OR8G5: variants seen among roughly 807,000 people sequenced by gnomAD.
OR8G5 encodes the protein olfactory receptor 8G5.
For missense variants in OR8G5, 347 were observed against 371.9 expected, an observed-to-expected ratio of 0.93 and a Z score of 0.55; for synonymous variants, 147 against 147.7, an observed-to-expected ratio of 1.00 and a Z score of 0.03.
Position 124,265,005 on chromosome 11 carries a change from T to A in OR8G5, c.74T>A (p.Leu25Gln). ...VGLTEKSELQ[L>Q]PLFLVFLGIY... is the part of the protein sequence containing the mutation. ...CTAACAGAGAAGTCAGAGCTACAGC[T>A]GCCCCTCTTCCTCGTCTTCCTGGGA... is the stretch of plus-strand genomic sequence containing the variant. Residue 25 changes from leucine (L) to glutamine (Q), a missense_variant, in exon 2 of 2, where the codon CTG becomes CAG. Coordinates refer to ENST00000641992, the MANE Select transcript of OR8G5 (RefSeq NM_001005198.2). 1 of 1,614,006 alleles carries A rather than the reference T, an allele frequency of 6.2e-7. No individual in the cohort carries two copies. Among genetic ancestry groups the A allele is most frequent in the Non-Finnish European group, 8.5e-7 (1 of 1,179,906 alleles).
At position 124,266,159 on chromosome 11, in the gene OR8G5, A is replaced by T. The variant is rs184694338; in HGVS notation, c.*292A>T. The T allele has an allele frequency of 9.9e-6, 3 of 301,990 alleles. No homozygotes were observed. Among genetic ancestry groups the T allele is most frequent in the Non-Finnish European group, 6.1e-6 (1 of 162,616 alleles). The allele number at this position is 301,990 out of a possible 1,614,324, so 18.7% of individuals were successfully genotyped here. On this transcript the variant is annotated 3_prime_UTR_variant, in exon 2 of 2. Coordinates refer to ENST00000641992, the MANE Select transcript of OR8G5 (RefSeq NM_001005198.2). Reference sequence around the variant, plus strand: ...TACATTCCCTTCCCCCTTTTCTTTCATGTAATTGATTAAAACATACTCCTC... The same window carrying T: ...TACATTCCCTTCCCCCTTTTCTTTCTTGTAATTGATTAAAACATACTCCTC...
At chr11:124,257,775 A>T (rs1027217494) in intron 1 of OR8G5, among the ~76,000 whole-genome samples, 1 of 152,174 alleles carries the variant, frequency 6.6e-6, no homozygotes, top group Non-Finnish European at 1.5e-5. Context: ...GCTTAGTTAG[A>T]TAAGGAAATT....
At chr11:124,260,861 A>G (rs547631845) in intron 1 of OR8G5, among the ~76,000 whole-genome samples, 1 of 152,012 alleles carries the variant, frequency 6.6e-6, no homozygotes, top group South Asian at 2.1e-4. Flanking sequence ...TTAAAAATAC[A>G]CTACATGTTG....
chr11:124,266,053 G>T lies in OR8G5; in HGVS notation c.*186G>T. 2 of 685,778 alleles carry T rather than the reference G, an allele frequency of 2.9e-6. No homozygotes were observed. The highest frequency in any genetic ancestry group is 3.4e-5 in the Admixed American group (1 of 29,766). 42.5% of individuals were successfully genotyped at this position (685,778 alleles called of 1,614,324 possible). ...TCCCTCTCATTTTTTCTCTCATAAGGATTACGAAGACATGATATTTTCTTA... is the reference window on the plus strand; with the variant it reads ...TCCCTCTCATTTTTTCTCTCATAAGTATTACGAAGACATGATATTTTCTTA... On this transcript the variant is annotated 3_prime_UTR_variant, in exon 2 of 2. Transcript: ENST00000641992.
chr11:124,264,820 G>A (rs985053811), intron 1 of OR8G5, 98 bp from the exon 2 acceptor site: 2 of 1,476,856 alleles, frequency 1.4e-6, no homozygotes, highest in Non-Finnish European at 1.9e-6. Flanking sequence ...AATTGAACCG[G>A]AGTTAAATGA....
intron 1 of OR8G5, among the ~76,000 whole-genome samples, chr11:124,257,317 T>C (rs1376379420): frequency 6.6e-6 from 1 of 152,166 alleles, no homozygotes; most frequent in Non-Finnish European, 1.5e-5. Flanking sequence ...AGAATATTTT[T>C]ATATTGATTA....
At chr11:124,261,029 G>C (rs1861966063) in intron 1 of OR8G5, among the ~76,000 whole-genome samples, 1 of 151,444 alleles carries the variant, frequency 6.6e-6, no homozygotes, top group Non-Finnish European at 1.5e-5. Flanking sequence ...CTATCTCCAT[G>C]AGATCAGCTT....
At chr11:124,262,718 C>G (rs1861985311) in intron 1 of OR8G5, among the ~76,000 whole-genome samples, 1 of 151,542 alleles carries the variant, frequency 6.6e-6, no homozygotes, top group Non-Finnish European at 1.5e-5. Context: ...CATGCATCTA[C>G]TCATCTGTTG....
At chr11:124,261,128 G>A (rs1299822566) in intron 1 of OR8G5, among the ~76,000 whole-genome samples, 1 of 151,656 alleles carries the variant, frequency 6.6e-6, no homozygotes, top group Admixed American at 6.6e-5. Flanking sequence ...ACAGGATTTC[G>A]TTCGTTTTTT....
At chr11:124,264,212 G>T (rs766813138) in intron 1 of OR8G5, among the ~76,000 whole-genome samples, 2 of 152,022 alleles carry the variant, frequency 1.3e-5, no homozygotes, top group African/African-American at 4.8e-5. Flanking sequence ...ATGCTCAAGG[G>T]TATTGGCTAG....
At chr11:124,264,705 G>C in intron 1 of OR8G5, 1 of 579,378 alleles carries the variant, frequency 1.7e-6, no homozygotes, top group Non-Finnish European at 3.0e-6. Flanking sequence ...GACACTCAAA[G>C]TTTTTAATTA....
chr11:124,260,559 T>G (rs1164451526), intron 1 of OR8G5, among the ~76,000 whole-genome samples: 1 of 151,900 alleles, frequency 6.6e-6, no homozygotes, highest in East Asian at 1.9e-4. Context: ...ATCGATCATC[T>G]GTTTAGATGT....
intron 1 of OR8G5, among the ~76,000 whole-genome samples, chr11:124,262,848 C>T (rs1861986822): frequency 6.6e-6 from 1 of 151,994 alleles, no homozygotes; most frequent in African/African-American, 2.4e-5. Context: ...TACTAAGAGG[C>T]AGAATTCTGG....
chr11:124,261,933 AAAAG>A (rs944958535), intron 1 of OR8G5, among the ~76,000 whole-genome samples: 1 of 151,898 alleles, frequency 6.6e-6, no homozygotes, highest in African/African-American at 2.4e-5. Context: ...ACAAATATAA[AAAAG>A]AAATTATAAA....
rs1405157582 is a variant in OR8G5 at position 124,266,187 on chromosome 11, CA to C, written c.*321del. The stretch of plus-strand genomic sequence containing the variant: ...TAATTGATTAAAACATACTCCTCAA[CA>C]TAATAAAAACACTATCTTCTGGTGA... On this transcript the variant is annotated 3_prime_UTR_variant, in exon 2 of 2. Transcript: ENST00000641992. The C allele has an allele frequency of 4.1e-6, 1 of 243,052 alleles. No homozygotes were observed. Among genetic ancestry groups the C allele is most frequent in the Non-Finnish European group, 8.0e-6 (1 of 125,400 alleles). The allele number at this position is 243,052 out of a possible 1,614,324, so 15.1% of individuals were successfully genotyped here.
intron 1 of OR8G5, among the ~76,000 whole-genome samples, chr11:124,263,275 T>G (rs1861991072): frequency 6.6e-6 from 1 of 152,216 alleles, no homozygotes; most frequent in South Asian, 2.1e-4. Flanking sequence ...CTTAATGTCA[T>G]TAATTTTGTT....
At position 124,266,067 on chromosome 11, in the gene OR8G5, G is replaced by A; in HGVS notation, c.*200G>A. The A allele has an allele frequency of 1.6e-6, 1 of 620,652 alleles. No individual in the cohort carries two copies. Among genetic ancestry groups the A allele is most frequent in the Non-Finnish European group, 2.6e-6 (1 of 391,034 alleles). 38.4% of individuals were successfully genotyped at this position (620,652 alleles called of 1,614,324 possible). On this transcript the variant is annotated 3_prime_UTR_variant, in exon 2 of 2. Coordinates refer to ENST00000641992, the MANE Select transcript of OR8G5 (RefSeq NM_001005198.2). ...TCTCTCATAAGGATTACGAAGACAT[G>A]ATATTTTCTTAGAAGAAATAATAAG...
At chr11:124,264,318 G>A (rs1261110820) in intron 1 of OR8G5, among the ~76,000 whole-genome samples, 1 of 152,182 alleles carries the variant, frequency 6.6e-6, no homozygotes, top group African/African-American at 2.4e-5. Flanking sequence ...GGATGTCAGA[G>A]ATACTTCCCT....
At chr11:124,260,748 A>T (rs1861962640) in intron 1 of OR8G5, among the ~76,000 whole-genome samples, 1 of 151,924 alleles carries the variant, frequency 6.6e-6, no homozygotes, top group African/African-American at 2.4e-5. Context: ...ATTTTGATAG[A>T]TGCATACAAT....
Sources: gnomAD v4.1 joint callset for allele counts (sites outside exome capture counted in the v4.1 genomes callset) on GRCh38, gnomAD v4.1.1 for gene constraint, MANE v1.5 for transcripts, NCBI Gene and HGNC (gene_info 2026-07-23, HGNC 2026-07-21) for gene names.